TCF4: variants seen among roughly 807,000 people sequenced by gnomAD.
TCF4 encodes transcription factor 4, also known as SL3-3 enhancer factor 2.
In TCF4, 3 loss-of-function variants were observed where a neutral mutation model predicts 82.1. The observed-to-expected ratio is 0.04, with a 90% CI of 0.02 to 0.09. The LOEUF (loss-of-function observed/expected upper bound fraction) is 0.09, where lower values mean the gene tolerates loss of function less well. Ranked by LOEUF, TCF4 falls within the 10% of genes least tolerant of loss-of-function variation. TCF4 has a pLI of 1.00. For synonymous variants in TCF4, 276 were observed against 309.6 expected (o/e 0.89, Z 1.14); for missense variants, 518 against 852.7 (o/e 0.61, Z 4.89).
intron 6 of TCF4, among the ~76,000 whole-genome samples, chr18:55,391,183 T>C (rs927193548): frequency 4.6e-5 from 7 of 152,328 alleles, no homozygotes; most frequent in Middle Eastern, 3.4e-3. Context: ...CTGAGCTGCT[T>C]AGCTCAGTGT....
chr18:55,578,955 C>T (rs1471089555), intron 3 of TCF4, among the ~76,000 whole-genome samples: 1 of 151,876 alleles, frequency 6.6e-6, no homozygotes, highest in Non-Finnish European at 1.5e-5. Flanking sequence ...GAAATTCACC[C>T]ACATAAACTG....
At chr18:55,289,957 A>G (rs1289039900) in intron 8 of TCF4, among the ~76,000 whole-genome samples, 1 of 152,224 alleles carries the variant, frequency 6.6e-6, no homozygotes, top group African/African-American at 2.4e-5. Context: ...AATAGGCTCA[A>G]AACTTTACTA....
At chr18:55,410,978 TAGG>T in intron 5 of TCF4, among the ~76,000 whole-genome samples, 1 of 152,298 alleles carries the variant, frequency 6.6e-6, no homozygotes, top group Non-Finnish European at 1.5e-5. Context: ...GCATCCTGCT[TAGG>T]AGAAGTACAC....
rs1021394188 is a variant in TCF4, at chr18:55,479,723, C to T, written c.146-15586G>A. On this transcript the variant is annotated intron_variant, in intron 3 of 19. Coordinates refer to ENST00000354452, the MANE Select transcript of TCF4 (RefSeq NM_001083962.2). ...GAAGCCAGGCTAGGACCAGAGCCCA[C>T]CCACGTTGCTCTGTGACACCGGAGG... 4.6e-5 allele frequency among the ~76,000 whole-genome samples: 7 copies of T among 152,232 alleles called. 1 individual carries two copies. The highest frequency in any genetic ancestry group is 4.6e-4 in the Admixed American group (7 of 15,294).
At position 55,362,330 on chromosome 18, in the gene TCF4, A is replaced by G. The variant is rs144118432; in HGVS notation, c.370-11327T>C. ...GACTTTGTCTCCAAAAACAAAAACA[A>G]AAAAAAAAGAGGAAGGAAGGAAGGA... On this transcript the variant is annotated intron_variant, in intron 6 of 19. Transcript: ENST00000354452. Among the ~76,000 whole-genome samples the G allele has an allele frequency of 3.1e-3, 406 of 131,196 alleles. 1 individual carries two copies. The highest frequency in any genetic ancestry group is 0.012 in the African/African-American group (390 of 32,986). 86.1% of individuals were successfully genotyped at this position (131,196 alleles called of 152,430 possible). A position where few individuals can be genotyped will look rare whatever the true frequency, so the allele number is the denominator to read the frequency against.
chr18:55,448,132 G>A (rs768185882), intron 5 of TCF4, among the ~76,000 whole-genome samples: 13 of 152,144 alleles, frequency 8.5e-5, no homozygotes, highest in Middle Eastern at 3.2e-3. Flanking sequence ...GTCTAGGAAC[G>A]CTCTCTAAAT....
At chr18:55,607,641 C>T (rs2147957580) in intron 2 of TCF4, among the ~76,000 whole-genome samples, 1 of 152,278 alleles carries the variant, frequency 6.6e-6, no homozygotes, top group Non-Finnish European at 1.5e-5. Context: ...TCACACGTTC[C>T]ATTTTCTAGT....
At chr18:55,506,997 G>GGATT (rs2096768693) in intron 3 of TCF4, among the ~76,000 whole-genome samples, 1 of 151,860 alleles carries the variant, frequency 6.6e-6, no homozygotes, top group African/African-American at 2.4e-5. Flanking sequence ...CAAGTAGCTG[G>GGATT]GATTACAGGC....
intron 3 of TCF4, among the ~76,000 whole-genome samples, chr18:55,490,933 A>G (rs1440386491): frequency 6.6e-6 from 1 of 152,244 alleles, no homozygotes; most frequent in African/African-American, 2.4e-5. Context: ...ATATTGGAAC[A>G]GTATTAATGG....
intron 3 of TCF4, among the ~76,000 whole-genome samples, chr18:55,514,400 T>C (rs910022249): frequency 6.3e-5 from 8 of 126,462 alleles, no homozygotes; most frequent in Non-Finnish European, 1.3e-4. Flanking sequence ...CACACATCTA[T>C]CCATGCACAC....
chr18:55,423,522 C>T (rs1899723988), intron 5 of TCF4: 1 of 152,138 alleles, frequency 6.6e-6, no homozygotes, highest in African/African-American at 2.4e-5. Flanking sequence ...AGCTTACCTA[C>T]TTGACCACTT....
At chr18:55,625,066 A>G (rs1030916588) in intron 2 of TCF4, among the ~76,000 whole-genome samples, 2 of 152,180 alleles carry the variant, frequency 1.3e-5, no homozygotes, top group African/African-American at 2.4e-5. Context: ...ATGGCTTTCT[A>G]TATTCAAAGT....
chr18:55,495,164 A>G (rs2096620637), intron 3 of TCF4, among the ~76,000 whole-genome samples: 1 of 152,090 alleles, frequency 6.6e-6, no homozygotes, highest in South Asian at 2.1e-4. Flanking sequence ...TTAAGCCAAT[A>G]GATAAGTTGT....
intron 3 of TCF4, among the ~76,000 whole-genome samples, chr18:55,489,732 C>G (rs923190374): frequency 1.3e-5 from 2 of 152,142 alleles, no homozygotes; most frequent in Non-Finnish European, 2.9e-5. Flanking sequence ...TGAAACAGAC[C>G]TAGAAATCCT....
chr18:55,279,142 A>T (rs944852764), intron 9 of TCF4, among the ~76,000 whole-genome samples: 1 of 152,156 alleles, frequency 6.6e-6, no homozygotes, highest in Non-Finnish European at 1.5e-5. Context: ...AAAATTTTAC[A>T]TAAGGTTATA....
intron 3 of TCF4, among the ~76,000 whole-genome samples, chr18:55,514,061 T>C (rs941429501): frequency 2.0e-5 from 3 of 152,180 alleles, no homozygotes; most frequent in African/African-American, 7.2e-5. Context: ...TTCTTTCACA[T>C]AGATAAGCTC....
chr18:55,512,766 A>G (rs1040708548), intron 3 of TCF4, among the ~76,000 whole-genome samples: 16 of 152,178 alleles, frequency 1.1e-4, no homozygotes, highest in African/African-American at 3.6e-4. Context: ...TATACATTGC[A>G]TGTGTTTAAA....
At chr18:55,600,224 A>G (rs1234912536) in intron 2 of TCF4, among the ~76,000 whole-genome samples, 2 of 152,164 alleles carry the variant, frequency 1.3e-5, no homozygotes, top group African/African-American at 2.4e-5. Flanking sequence ...ATATGTACCT[A>G]GGATACACCT....
At chr18:55,459,618 T>C (rs1568102131) in intron 5 of TCF4, among the ~76,000 whole-genome samples, 1 of 152,106 alleles carries the variant, frequency 6.6e-6, no homozygotes. Context: ...AGAAATAAAA[T>C]CATAACTATT....
Sources: allele counts gnomAD v4.1 joint callset (sites outside exome capture counted in the v4.1 genomes callset), GRCh38; gene constraint gnomAD v4.1.1; transcripts MANE v1.5; gene names NCBI Gene and HGNC (gene_info 2026-07-23, HGNC 2026-07-21).